The following KDM4C variants were observed in gnomAD, a reference collection of about 807,000 sequenced individuals.
KDM4C encodes the protein lysine-specific demethylase 4C.
In KDM4C, 81 loss-of-function variants were observed where a neutral mutation model predicts 129.3. The observed-to-expected ratio is 0.63, with a 90% CI of 0.52 to 0.75. The LOEUF (loss-of-function observed/expected upper bound fraction) is 0.75, where lower values mean the gene tolerates loss of function less well. Ranked by LOEUF, KDM4C falls within the 30% of genes least tolerant of loss-of-function variation. The pLI, the probability that KDM4C is intolerant of heterozygous loss-of-function variation, is 0.00. For synonymous variants in KDM4C, 573 were observed against 456.1 expected, an observed-to-expected ratio of 1.26 and a Z score of -3.26; for missense variants, 1,457 against 1,304.0, an observed-to-expected ratio of 1.12 and a Z score of -1.81.
At chr9:7,089,886 C>T (rs1456970588) in intron 17 of KDM4C, among the ~76,000 whole-genome samples, 1 of 152,226 alleles carries the variant, frequency 6.6e-6, no homozygotes, top group African/African-American at 2.4e-5. Flanking sequence ...TCAGAGTTCT[C>T]ATGAGGGATT....
chr9:6,915,423 A>C (rs186405040), intron 8 of KDM4C, among the ~76,000 whole-genome samples: 2 of 152,212 alleles, frequency 1.3e-5, no homozygotes, highest in Admixed American at 1.3e-4. Flanking sequence ...TACTGTGATG[A>C]ACACTTGGAG....
upstream of KDM4C, among the ~76,000 whole-genome samples, chr9:6,756,030 A>G (rs186162073): frequency 9.2e-5 from 14 of 152,328 alleles, no homozygotes; most frequent in East Asian, 1.9e-3. Flanking sequence ...AATGGTAAAG[A>G]AATGTTATTT....
chr9:6,872,404 G>GT (rs1175143641), intron 5 of KDM4C, among the ~76,000 whole-genome samples: 1 of 152,148 alleles, frequency 6.6e-6, no homozygotes, highest in Non-Finnish European at 1.5e-5. Context: ...CCAGAGCTGA[G>GT]TTTAAGTCCT....
intron 1 of KDM4C, among the ~76,000 whole-genome samples, chr9:6,722,855 C>T (rs1817000465): frequency 6.6e-6 from 1 of 152,008 alleles, no homozygotes; most frequent in Admixed American, 6.6e-5. Flanking sequence ...TAGTGGCACA[C>T]ATCTGTGGTC....
intron 13 of KDM4C, 132 bp from the exon 14 acceptor site, chr9:7,013,656 G>C (rs889123514): frequency 6.5e-6 from 5 of 770,004 alleles, no homozygotes; most frequent in Non-Finnish European, 8.2e-6. Flanking sequence ...CTAGTAGTTT[G>C]GTCAAGGAGA....
In KDM4C at chr9:7,081,744, C is replaced by T. The variant is rs1460399981; in HGVS notation, c.2425-21941C>T. On this transcript the variant is annotated intron_variant, in intron 17 of 21. Transcript: ENST00000381309. ...GAGGAAATGTTCGTGTTGATGAATC[C>T]TTGGGATTTCCACTATTTGCAAAGC... 5.3e-5 allele frequency among the ~76,000 whole-genome samples: 8 copies of T among 152,142 alleles called. No individual in the cohort carries two copies. In the East Asian group the frequency reaches 1.5e-3, roughly 29 times the overall value.
Position 7,097,943 on chromosome 9 carries a change from T to C in KDM4C, c.2425-5742T>C, listed in dbSNP as rs146442315. Among the ~76,000 whole-genome samples the C allele has an allele frequency of 4.6e-5, 7 of 152,352 alleles. No homozygotes were observed. In the East Asian group the frequency reaches 1.3e-3, roughly 29 times the overall value. On this transcript the variant is annotated intron_variant, in intron 17 of 21. Transcript: ENST00000381309. ...GAACATTCATATGGTTAATGGCTGT[T>C]TATGTGTTCAGTCAGTGTTCTGCTA... is the stretch of plus-strand genomic sequence containing the variant.
At chr9:7,037,301 C>G (rs1230954488) in intron 15 of KDM4C, among the ~76,000 whole-genome samples, 1 of 152,128 alleles carries the variant, frequency 6.6e-6, no homozygotes, top group East Asian at 1.9e-4. Context: ...GGATATGCTA[C>G]TAAAATGAGA....
chr9:6,987,150 C>T (rs1019986322), intron 11 of KDM4C, among the ~76,000 whole-genome samples: 1 of 152,118 alleles, frequency 6.6e-6, no homozygotes, highest in African/African-American at 2.4e-5. Context: ...TAGTTAATAC[C>T]TCCTGGTCCC....
intron 4 of KDM4C, among the ~76,000 whole-genome samples, chr9:6,831,287 C>A (rs1834773133): frequency 6.6e-6 from 1 of 152,100 alleles, no homozygotes; most frequent in Admixed American, 6.5e-5. Flanking sequence ...AGCCTGGGGC[C>A]AGTGTGTTGG....
chr9:7,104,279 C>G (rs1410707198), intron 18 of KDM4C: 1 of 166,790 alleles, frequency 6.0e-6, no homozygotes, highest in East Asian at 1.5e-4. Context: ...GTCTATGAAA[C>G]TGTACACTGT....
At chr9:6,817,252 C>T (rs1346060708) in intron 4 of KDM4C, among the ~76,000 whole-genome samples, 1 of 119,154 alleles carries the variant, frequency 8.4e-6, no homozygotes, top group African/African-American at 3.1e-5. Context: ...CCCAGGTTGG[C>T]ATGCAATGGC....
At chr9:7,128,645 T>G (rs1840282267) in intron 19 of KDM4C, among the ~76,000 whole-genome samples, 2 of 152,216 alleles carry the variant, frequency 1.3e-5, no homozygotes, top group Non-Finnish European at 2.9e-5. Context: ...AGAATGTGGC[T>G]TTGATTAATC....
chr9:7,025,141 G>T lies in KDM4C; in HGVS notation c.2259+9212G>T, dbSNP rs561980931. On this transcript the variant is annotated intron_variant, in intron 15 of 21. Coordinates refer to ENST00000381309, the MANE Select transcript of KDM4C (RefSeq NM_015061.6). ...TTATTTTTCTCTTCTTACAGTTTTTGTCTTGAAATCTATTTTGACTGATAC... is the reference window on the plus strand; with the variant it reads ...TTATTTTTCTCTTCTTACAGTTTTTTTCTTGAAATCTATTTTGACTGATAC... Among the ~76,000 whole-genome samples, 12 of 152,154 alleles carry T rather than the reference G, an allele frequency of 7.9e-5. No homozygotes were observed. In the South Asian group the frequency reaches 8.3e-4, roughly 11 times the overall value.
At chr9:6,842,597 A>C (rs967683062) in intron 4 of KDM4C, among the ~76,000 whole-genome samples, 11 of 151,986 alleles carry the variant, frequency 7.2e-5, no homozygotes, top group African/African-American at 2.7e-4. Context: ...TGGGCTCCCA[A>C]AGTGCTGGGA....
At chr9:7,081,007 C>G (rs189438048) in intron 17 of KDM4C, among the ~76,000 whole-genome samples, 1 of 152,200 alleles carries the variant, frequency 6.6e-6, no homozygotes. Context: ...CTAAGGCACA[C>G]GACAGAGACT....
At chr9:6,950,899 C>T (rs901611693) in intron 8 of KDM4C, among the ~76,000 whole-genome samples, 3 of 152,128 alleles carry the variant, frequency 2.0e-5, no homozygotes, top group African/African-American at 7.2e-5. Flanking sequence ...TGCCATGAAC[C>T]TTTCCTTAAA....
chr9:6,972,091 G>A (rs1213799333), intron 8 of KDM4C, among the ~76,000 whole-genome samples: 1 of 151,824 alleles, frequency 6.6e-6, no homozygotes, highest in Non-Finnish European at 1.5e-5. Flanking sequence ...TGATTTGAAG[G>A]GAAAATAACA....
At chr9:7,083,711 A>ATATGTGTG (rs1554730845) in intron 17 of KDM4C, among the ~76,000 whole-genome samples, 1 of 143,224 alleles carries the variant, frequency 7.0e-6, no homozygotes, top group East Asian at 2.0e-4. Flanking sequence ...CACATGACTG[A>ATATGTGTG]TGTGTGTGTG....
Sources: allele counts gnomAD v4.1 joint callset (sites outside exome capture counted in the v4.1 genomes callset), GRCh38; gene constraint gnomAD v4.1.1; transcripts MANE v1.5; gene names NCBI Gene and HGNC (gene_info 2026-07-23, HGNC 2026-07-21).